The following CORIN variants were observed in gnomAD, a reference collection of about 807,000 sequenced individuals.
The protein encoded by CORIN is corin, serine peptidase, also known as atrial natriuretic peptide-converting enzyme.
A neutral mutation model predicts 125.3 loss-of-function variants in CORIN; 117 were observed. That is an observed-to-expected ratio of 0.93 (90% confidence interval 0.80 to 1.09). The LOEUF is 1.09. CORIN is among the 50% of genes least tolerant of loss of function. The pLI is 0.00. For missense variants in CORIN, 1,253 were observed against 1,306.7 expected (o/e 0.96, Z 0.63); for synonymous variants, 450 against 466.4 (o/e 0.96, Z 0.45).
At chr4:47,660,586 CACTG>C (rs975441665) in intron 12 of CORIN, among the ~76,000 whole-genome samples, 25 of 152,300 alleles carry the variant, frequency 1.6e-4, no homozygotes, top group African/African-American at 5.8e-4. Flanking sequence ...TGCTCAACAT[CACTG>C]ACTATCAGAT....
chr4:47,820,412 A>G (rs1321180411), intron 1 of CORIN, among the ~76,000 whole-genome samples: 2 of 152,158 alleles, frequency 1.3e-5, no homozygotes, highest in African/African-American at 2.4e-5. Context: ...GACTTTCACA[A>G]TGCTACACTG....
In CORIN at chr4:47,838,023, G is replaced by C; in HGVS notation, c.-74C>G. 6.3e-7 allele frequency: 1 copy of C among 1,594,556 alleles called. No individual in the cohort carries two copies. Among genetic ancestry groups the C allele is most frequent in the African/African-American group, 1.3e-5 (1 of 74,464 alleles). On this transcript the variant is annotated 5_prime_UTR_variant, in exon 1 of 22. Transcript: ENST00000273857. ...TTTCTCTCCTCTACGTGTCCCCCGG[G>C]GAGGCACTACGGATGATTTTCTCCA...
At chr4:47,623,478 T>C (rs1722420729) in intron 19 of CORIN, 93 bp downstream of exon 19, 1 of 1,342,740 alleles carries the variant, frequency 7.4e-7, no homozygotes, top group Admixed American at 2.0e-5. Flanking sequence ...TTCGCCTGGA[T>C]GTGGCTTCAT....
rs1317946221 is a variant in CORIN, at chr4:47,665,134, G to A, written c.1487C>T (p.Ala496Val). Residue 496 changes from alanine (A) to valine (V), a missense_variant, in exon 11 of 22, where the codon GCA (alanine) becomes GTA (valine). Ala to Val is a moderately conservative substitution (Grantham distance 64). Transcript: ENST00000273857. The stretch of plus-strand genomic sequence containing the variant: ...TTTATAACAGTTGGTTTGAACAAGT[G>A]CAGGGAAAAGAGAAGACTCCCAGCT... The part of the protein sequence containing the change: ...SISWESSLFP[A>V]LVQTNCYKYL... The A allele has an allele frequency of 6.2e-7, 1 of 1,613,702 alleles. No homozygotes were observed. Among genetic ancestry groups the A allele is most frequent in the Non-Finnish European group, 8.5e-7 (1 of 1,179,788 alleles).
At chr4:47,834,649 G>T (rs1337203794) in intron 1 of CORIN, among the ~76,000 whole-genome samples, 1 of 152,118 alleles carries the variant, frequency 6.6e-6, no homozygotes, top group African/African-American at 2.4e-5. Context: ...ATGGCAGAAG[G>T]GAACTTTTGA....
intron 5 of CORIN, among the ~76,000 whole-genome samples, chr4:47,721,500 C>T (rs1219617930): frequency 6.6e-6 from 1 of 152,178 alleles, no homozygotes; most frequent in East Asian, 1.9e-4. Context: ...AACTCCTGAC[C>T]TCAGGTGATC....
intron 5 of CORIN, among the ~76,000 whole-genome samples, chr4:47,709,198 CAA>C (rs34396985): frequency 0.098 from 14,946 of 152,170 alleles, 864 homozygotes; most frequent in East Asian, 0.27. Context: ...GAAAAGACAG[CAA>C]AGAGGCAGTT....
At chr4:47,651,419 T>C (rs1723726117) in intron 13 of CORIN, among the ~76,000 whole-genome samples, 1 of 152,260 alleles carries the variant, frequency 6.6e-6, no homozygotes, top group Non-Finnish European at 1.5e-5. Context: ...TGGAAACAGA[T>C]GACTTCCTAT....
At chr4:47,634,470 C>G (rs979656468) in intron 16 of CORIN, among the ~76,000 whole-genome samples, 1 of 152,026 alleles carries the variant, frequency 6.6e-6, no homozygotes, top group Middle Eastern at 3.2e-3. Flanking sequence ...CCCATCTCTA[C>G]TAAAAATACA....
intron 1 of CORIN, chr4:47,837,263 G>C (rs1733482346): frequency 6.3e-6 from 1 of 158,828 alleles, no homozygotes; most frequent in South Asian, 1.9e-4. Flanking sequence ...CCAGCACTTA[G>C]GACGGGCGAG....
chr4:47,721,311 C>G (rs184037083), intron 5 of CORIN, among the ~76,000 whole-genome samples: 1 of 151,934 alleles, frequency 6.6e-6, no homozygotes, highest in Non-Finnish European at 1.5e-5. Context: ...GCTCTGTCAC[C>G]CAGGCTAGAG....
intron 5 of CORIN, among the ~76,000 whole-genome samples, chr4:47,694,958 A>G (rs16860598): frequency 0.021 from 3,251 of 152,306 alleles, 112 homozygotes; most frequent in African/African-American, 0.074. Flanking sequence ...TTCTTATGAT[A>G]CTACTTCATG....
chr4:47,791,563 T>C (rs1731083565), intron 2 of CORIN, among the ~76,000 whole-genome samples: 1 of 152,160 alleles, frequency 6.6e-6, no homozygotes, highest in Non-Finnish European at 1.5e-5. Flanking sequence ...AAACAGATAA[T>C]ATAATTAATC....
chr4:47,603,587 A>G lies in CORIN; in HGVS notation c.2622T>C (p.Phe874=). The G allele has an allele frequency of 6.2e-7, 1 of 1,614,202 alleles. No homozygotes were observed. Among genetic ancestry groups the G allele is most frequent in the Non-Finnish European group, 8.5e-7 (1 of 1,180,028 alleles). The change falls in exon 20 of 22, where the codon TTT becomes TTC. Residue 874 remains phenylalanine, a synonymous_variant. Transcript: ENST00000273857. ...DHPSVFMQTR[F]VKTIILHPRY... ...GGGGATGCAGGATGATGGTCTTCAC[A>G]AAGCGTGTCTGCATGAACACTGATG...
At chr4:47,624,011 C>A in intron 17 of CORIN, 63 bp from the exon 18 acceptor site, 1 of 1,394,984 alleles carries the variant, frequency 7.2e-7, no homozygotes, top group Non-Finnish European at 1.0e-6. Context: ...AATTCAAACA[C>A]TTTACCAGTG....
intron 4 of CORIN, among the ~76,000 whole-genome samples, chr4:47,746,652 A>G (rs531030815): frequency 4.6e-4 from 70 of 151,896 alleles, no homozygotes; most frequent in Middle Eastern, 3.4e-3. Context: ...CTCCTGCCAC[A>G]GCTTCCCGAG....
intron 1 of CORIN, among the ~76,000 whole-genome samples, chr4:47,827,530 C>T (rs961036919): frequency 1.3e-5 from 2 of 152,148 alleles, no homozygotes; most frequent in Admixed American, 6.5e-5. Flanking sequence ...TGCACCTCTG[C>T]ACCCAAGGCT....
chr4:47,643,425 AT>A lies in CORIN; in HGVS notation c.1958-170del, dbSNP rs957697930. ...AGAATAACATAATTTGTAAAATATC[AT>A]TTAATAGACATCAATACATACAAAG... is the stretch of plus-strand genomic sequence containing the variant. On this transcript the variant is annotated intron_variant, in intron 14 of 21. Transcript: ENST00000273857. Among the ~76,000 whole-genome samples, 59 of 152,230 alleles carry A rather than the reference AT, an allele frequency of 3.9e-4. 1 individual carries two copies. Among genetic ancestry groups the A allele is most frequent in the Admixed American group, 3.5e-3 (53 of 15,280 alleles).
At chr4:47,724,883 T>G (rs1220727510) in intron 5 of CORIN, among the ~76,000 whole-genome samples, 1 of 152,148 alleles carries the variant, frequency 6.6e-6, no homozygotes, top group Non-Finnish European at 1.5e-5. Flanking sequence ...ATTATAGGAG[T>G]GACTGCAACA....
Sources: allele counts gnomAD v4.1 joint callset (sites outside exome capture counted in the v4.1 genomes callset), GRCh38; gene constraint gnomAD v4.1.1; transcripts MANE v1.5; gene names NCBI Gene and HGNC (gene_info 2026-07-23, HGNC 2026-07-21).